Variants in WDFY4 observed in about 807,000 individuals in gnomAD.
The protein encoded by WDFY4 is WD repeat- and FYVE domain-containing protein 4.
WDFY4 carries 169 observed loss-of-function variants against 351.9 expected under a neutral mutation model. That is an observed-to-expected ratio of 0.48 (90% CI 0.42 to 0.55). The LOEUF (loss-of-function observed/expected upper bound fraction) is 0.55, where lower values mean the gene tolerates loss of function less well. Ranked by LOEUF, WDFY4 falls within the 20% of genes least tolerant of loss-of-function variation. The probability of loss-of-function intolerance (pLI) is 0.00; values close to 1 mark genes in which losing one functional copy is unlikely to be tolerated. For synonymous variants in WDFY4, 1,622 were observed against 1,574.6 expected (o/e 1.03, Z -0.71); for missense variants, 3,803 against 3,935.6 (o/e 0.97, Z 0.90).
chr10:48,926,262 G>A (rs971318163), intron 47 of WDFY4, among the ~76,000 whole-genome samples: 17 of 152,226 alleles, frequency 1.1e-4, no homozygotes, highest in African/African-American at 4.1e-4. Context: ...ATGGCCCCAG[G>A]CCCCAGGAAG....
At chr10:48,974,517 A>AAAAAAAAAAAAAAAAAC (rs1842468169) in intron 57 of WDFY4, among the ~76,000 whole-genome samples, 2 of 24,678 alleles carry the variant, frequency 8.1e-5, no homozygotes, top group East Asian at 4.1e-3. Flanking sequence ...AAAAAAAAAA[A>AAAAAAAAAAAAAAAAAC]AAAAAAAAAA....
At chr10:48,769,153 G>T (rs1389677887) in intron 13 of WDFY4, among the ~76,000 whole-genome samples, 2 of 152,186 alleles carry the variant, frequency 1.3e-5, no homozygotes, top group Non-Finnish European at 2.9e-5. Flanking sequence ...TTACAGATCT[G>T]CCTAGTTACG....
intron 55 of WDFY4, 194 bp downstream of exon 55, chr10:48,966,867 G>A (rs1842107509): frequency 9.7e-6 from 7 of 722,072 alleles, no homozygotes; most frequent in Non-Finnish European, 1.1e-5. Context: ...TCCTCTGTTA[G>A]ACCCTAACTT....
intron 13 of WDFY4, among the ~76,000 whole-genome samples, chr10:48,769,478 T>G (rs143480404): frequency 1.3e-5 from 2 of 152,300 alleles, no homozygotes; most frequent in African/African-American, 4.8e-5. Flanking sequence ...TCATCTCTCT[T>G]CAAAATCATG....
At position 48,822,470 on chromosome 10, in the gene WDFY4, T is replaced by A. The variant is rs2067857377; in HGVS notation, c.5915T>A (p.Leu1972Gln). ...SCFTQKLVEKLYSGMFSADPR... is the reference protein window; with the variant it reads ...SCFTQKLVEKQYSGMFSADPR... ...TTCACCCAGAAGCTGGTGGAGAAGC[T>A]GTACAGTGGGATGTTCTCGGCAGAC... Residue 1972 changes from leucine (L) to glutamine (Q), a missense_variant, in exon 35 of 62, where the codon CTG (leucine) becomes CAG (glutamine). Physicochemically the swap from Leu to Gln is moderately radical, Grantham distance 113. Transcript: ENST00000325239. The A allele has an allele frequency of 6.4e-7, 1 of 1,551,016 alleles. No homozygotes were observed. The highest frequency in any genetic ancestry group is 8.7e-7 in the Non-Finnish European group (1 of 1,146,536).
chr10:48,879,414 C>G (rs2070158394), intron 43 of WDFY4, among the ~76,000 whole-genome samples: 2 of 152,236 alleles, frequency 1.3e-5, no homozygotes, highest in Non-Finnish European at 2.9e-5. Context: ...CCAGCTACAC[C>G]TGCCTGCTTT....
In WDFY4 at chr10:48,832,420, G is replaced by T. The variant is rs73310094; in HGVS notation, c.6527-153G>T. 7.7e-3 allele frequency among the ~76,000 whole-genome samples: 1,179 copies of T among 152,370 alleles called. 4 individuals carry two copies. Among genetic ancestry groups the T allele is most frequent in the African/African-American group, 0.01 (427 of 41,594 alleles). ...CTTAGCCAAAGGAAGGTCAGAAGACGGCAGTGTGAGCTTGTAGCCTGGGTT... is the reference window on the plus strand; with the variant it reads ...CTTAGCCAAAGGAAGGTCAGAAGACTGCAGTGTGAGCTTGTAGCCTGGGTT... On this transcript the variant is annotated intron_variant, in intron 38 of 61. Coordinates refer to ENST00000325239, the MANE Select transcript of WDFY4 (RefSeq NM_001394531.1).
intron 32 of WDFY4, among the ~76,000 whole-genome samples, chr10:48,818,345 T>A (rs2067694333): frequency 6.6e-6 from 1 of 152,242 alleles, no homozygotes; most frequent in South Asian, 2.1e-4. Context: ...AGTGCCCAAA[T>A]GAATGAGCAA....
At chr10:48,849,613 G>A (rs2068891896) in intron 39 of WDFY4, among the ~76,000 whole-genome samples, 1 of 152,126 alleles carries the variant, frequency 6.6e-6, no homozygotes, top group African/African-American at 2.4e-5. Flanking sequence ...TGGAGGGTTG[G>A]GTGAATTCCC....
Position 48,841,574 on chromosome 10 carries a change from G to A in WDFY4, c.6663+8865G>A, listed in dbSNP as rs1277272675. On this transcript the variant is annotated intron_variant, in intron 39 of 61. Transcript: ENST00000325239. ...TTACACACATTCCCTTACCCATGCA[G>A]GAAAGAGAAACTGCACATATCAAAC... Among the ~76,000 whole-genome samples, 4 of 152,170 alleles carry A rather than the reference G, an allele frequency of 2.6e-5. No individual in the cohort carries two copies. The East Asian group carries it at 7.7e-4, about 29-fold the overall frequency.
intron 5 of WDFY4, among the ~76,000 whole-genome samples, chr10:48,724,200 C>G (rs1052827222): frequency 6.6e-6 from 1 of 152,102 alleles, no homozygotes. Flanking sequence ...TATGGAGGAT[C>G]GTGTGGCCCG....
chr10:48,877,012 T>G lies in WDFY4; in HGVS notation c.7001-21T>G, dbSNP rs199867851. ...TCAGGTGGCTCCTGTCAACACCACG[T>G]GTCCCTTTATGCTGCTGCAGATGAA... is the stretch of plus-strand genomic sequence containing the variant. On this transcript the variant is annotated intron_variant, in intron 42 of 61. Transcript: ENST00000325239. 2,910 of 1,452,610 alleles carry G rather than the reference T, an allele frequency of 2.0e-3. 6 individuals carry two copies. Among genetic ancestry groups the G allele is most frequent in the Middle Eastern group, 0.016 (72 of 4,468 alleles). 90.0% of individuals were successfully genotyped at this position (1,452,610 alleles called of 1,614,324 possible).
At chr10:48,760,956 C>T (rs1462171398) in intron 13 of WDFY4, among the ~76,000 whole-genome samples, 1 of 152,010 alleles carries the variant, frequency 6.6e-6, no homozygotes, top group African/African-American at 2.4e-5. Flanking sequence ...AATGAGCTCA[C>T]AAGTGAATAT....
intron 2 of WDFY4, among the ~76,000 whole-genome samples, chr10:48,714,675 A>C (rs2063852937): frequency 6.6e-6 from 1 of 152,220 alleles, no homozygotes; most frequent in South Asian, 2.1e-4. Context: ...AAATGGGGAA[A>C]TCTAGAGCTA....
In WDFY4 at chr10:48,780,236, G is replaced by T. The variant is rs550843835; in HGVS notation, c.3576+117G>T. 966 of 1,304,448 alleles carry T rather than the reference G, an allele frequency of 7.4e-4. 1 individual carries two copies. The highest frequency in any genetic ancestry group is 1.3e-3 in the Admixed American group (58 of 43,300). 80.8% of individuals were successfully genotyped at this position (1,304,448 alleles called of 1,614,324 possible). A position where few individuals can be genotyped will look rare whatever the true frequency, so the allele number is the denominator to read the frequency against. On this transcript the variant is annotated intron_variant, in intron 19 of 61. Coordinates refer to ENST00000325239, the MANE Select transcript of WDFY4 (RefSeq NM_001394531.1). ...GTTGTTTGTTTGTTTGTTTATTACT[G>T]GTAGGGTTGGCATCTAATGAAATCT...
chr10:48,780,356 A>C (rs1421034183), intron 19 of WDFY4, among the ~76,000 whole-genome samples: 2 of 152,256 alleles, frequency 1.3e-5, no homozygotes, highest in Non-Finnish European at 2.9e-5. Context: ...AGAAGGCAAG[A>C]CATGCATCCA....
chr10:48,834,474 G>A (rs1396617211), intron 39 of WDFY4, among the ~76,000 whole-genome samples: 3 of 152,324 alleles, frequency 2.0e-5, no homozygotes, highest in South Asian at 4.1e-4. Flanking sequence ...TTAGAAATAG[G>A]AGACTGTTTA....
intron 39 of WDFY4, among the ~76,000 whole-genome samples, chr10:48,864,618 A>G (rs1233697433): frequency 1.3e-5 from 2 of 152,218 alleles, no homozygotes; most frequent in African/African-American, 2.4e-5. Flanking sequence ...TTTGCAAAAA[A>G]GAGTGATCAT....
chr10:48,954,258 C>T (rs1220992969), intron 51 of WDFY4, among the ~76,000 whole-genome samples: 1 of 152,192 alleles, frequency 6.6e-6, no homozygotes, highest in Non-Finnish European at 1.5e-5. Flanking sequence ...CCTCAGAATC[C>T]TCTAGGCTTG....
Sources: gnomAD v4.1 joint callset for allele counts (sites outside exome capture counted in the v4.1 genomes callset) on GRCh38, gnomAD v4.1.1 for gene constraint, MANE v1.5 for transcripts, NCBI Gene and HGNC (gene_info 2026-07-23, HGNC 2026-07-21) for gene names.